MPP7: variants seen among roughly 807,000 people sequenced by gnomAD.
MPP7 encodes the protein MAGUK p55 subfamily member 7.
Under a neutral mutation model 76.5 loss-of-function variants are expected in MPP7, and 60 were observed. The observed-to-expected ratio is 0.78, with a 90% CI of 0.64 to 0.97. MPP7 has a LOEUF of 0.97. MPP7 is among the 50% of genes least tolerant of loss of function. The pLI is 0.00. For missense variants in MPP7, 641 were observed against 694.0 expected, an observed-to-expected ratio of 0.92 and a Z score of 0.86; for synonymous variants, 237 against 244.5, an observed-to-expected ratio of 0.97 and a Z score of 0.29.
chr10:28,055,776 C>T (rs1851529693), intron 16 of MPP7, among the ~76,000 whole-genome samples: 1 of 152,104 alleles, frequency 6.6e-6, no homozygotes, highest in South Asian at 2.1e-4. Flanking sequence ...GTATTTTTAG[C>T]TTTAAAAATA....
At chr10:28,144,796 C>G (rs78627242) in intron 5 of MPP7, among the ~76,000 whole-genome samples, 1 of 152,072 alleles carries the variant, frequency 6.6e-6, no homozygotes, top group African/African-American at 2.4e-5. Flanking sequence ...CATTTCCATA[C>G]GCTCCCTCTT....
chr10:28,054,343 C>G (rs1442400292), intron 16 of MPP7, 99 bp from the exon 17 acceptor site: 2 of 700,718 alleles, frequency 2.9e-6, no homozygotes, highest in Non-Finnish European at 4.7e-6. Flanking sequence ...TAATGCTGTT[C>G]TGTGTTCAGT....
chr10:28,270,541 GGGA>G (rs1211448502), intron 1 of MPP7, among the ~76,000 whole-genome samples: 2 of 130,562 alleles, frequency 1.5e-5, no homozygotes, highest in Non-Finnish European at 3.3e-5. Flanking sequence ...AAGGGGGGGG[GGGA>G]GGAGGGGAGC....
chr10:28,291,675 A>AG (rs1270003588), intron 1 of MPP7, among the ~76,000 whole-genome samples: 1 of 152,178 alleles, frequency 6.6e-6, no homozygotes, highest in African/African-American at 2.4e-5. Flanking sequence ...GGCCTAGGCT[A>AG]AAGTGTGTGT....
chr10:28,186,638 T>C (rs1020639483), intron 3 of MPP7, among the ~76,000 whole-genome samples: 2 of 152,216 alleles, frequency 1.3e-5, no homozygotes, highest in African/African-American at 4.8e-5. Context: ...CCCAACACCT[T>C]TGTGGCAATA....
At chr10:28,138,893 T>C (rs1289466503) in intron 5 of MPP7, among the ~76,000 whole-genome samples, 1 of 152,244 alleles carries the variant, frequency 6.6e-6, no homozygotes, top group Non-Finnish European at 1.5e-5. Context: ...TTCCGTTTAC[T>C]GGGAATCCCA....
At chr10:28,261,465 C>G (rs1383307010) in intron 1 of MPP7, among the ~76,000 whole-genome samples, 1 of 152,206 alleles carries the variant, frequency 6.6e-6, no homozygotes, top group Non-Finnish European at 1.5e-5. Context: ...CCCTGCCATT[C>G]TATCCTAAAT....
intron 3 of MPP7, among the ~76,000 whole-genome samples, chr10:28,167,945 A>G (rs373850286): frequency 6.6e-6 from 1 of 152,166 alleles, no homozygotes; most frequent in Non-Finnish European, 1.5e-5. Context: ...TGGTTAGGTT[A>G]TATTTTCTAG....
At chr10:28,111,939 T>A (rs1207169304) in intron 11 of MPP7, among the ~76,000 whole-genome samples, 2 of 152,150 alleles carry the variant, frequency 1.3e-5, no homozygotes, top group Non-Finnish European at 2.9e-5. Context: ...TCTCCCCTCA[T>A]CCATCCAAGC....
At chr10:28,313,985 C>G (rs1056448725) in intron 2 of MPP7, among the ~76,000 whole-genome samples, 6 of 151,038 alleles carry the variant, frequency 4.0e-5, no homozygotes, top group Non-Finnish European at 8.8e-5. Context: ...GGATTACAGG[C>G]ATGAGCCACT....
chr10:28,190,261 G>A (rs1837370790), intron 3 of MPP7, among the ~76,000 whole-genome samples: 1 of 152,042 alleles, frequency 6.6e-6, no homozygotes, highest in Non-Finnish European at 1.5e-5. Context: ...GTAATTGACA[G>A]ATCCGGCAGG....
chr10:28,262,208 CATATATATATATATAT>C lies in MPP7; in HGVS notation c.-131-23489_-131-23474del, dbSNP rs56940942. 8.0e-4 allele frequency among the ~76,000 whole-genome samples: 48 copies of C among 60,072 alleles called. 4 individuals are homozygous for C. Among genetic ancestry groups the C allele is most frequent in the African/African-American group, 4.4e-3 (46 of 10,382 alleles). The allele number at this position is 60,072 out of a possible 152,430, so 39.4% of individuals were successfully genotyped here. A position where few individuals can be genotyped will look rare whatever the true frequency, so the allele number is the denominator to read the frequency against. On this transcript the variant is annotated intron_variant, in intron 1 of 16. Coordinates refer to ENST00000683449, the MANE Select transcript of MPP7 (RefSeq NM_001318170.2). ...AATTATATATATATATATATATATA[CATATATATATATATAT>C]ACATATATATATATATATACATATA...
At chr10:28,123,648 T>C (rs1462095302) in intron 8 of MPP7, among the ~76,000 whole-genome samples, 1 of 151,934 alleles carries the variant, frequency 6.6e-6, no homozygotes, top group Non-Finnish European at 1.5e-5. Context: ...TTGTTTTGTA[T>C]TTTTAGTAGA....
upstream of MPP7, among the ~76,000 whole-genome samples, chr10:28,306,687 GAT>G: frequency 4.4e-5 from 2 of 45,412 alleles, no homozygotes; most frequent in African/African-American, 9.9e-5. Context: ...AGAGAGAGAT[GAT>G]AGATAATAGA....
At chr10:28,169,064 C>T (rs986361142) in intron 3 of MPP7, among the ~76,000 whole-genome samples, 1 of 152,132 alleles carries the variant, frequency 6.6e-6, no homozygotes, top group Non-Finnish European at 1.5e-5. Flanking sequence ...CATGCCAATA[C>T]CATGCCATCT....
At chr10:28,070,437 A>G (rs1255681675) in intron 12 of MPP7, among the ~76,000 whole-genome samples, 1 of 152,190 alleles carries the variant, frequency 6.6e-6, no homozygotes, top group Non-Finnish European at 1.5e-5. Flanking sequence ...CAAGCTACCC[A>G]CAAGAGCCTA....
intron 2 of MPP7, among the ~76,000 whole-genome samples, chr10:28,233,949 A>G (rs1337325891): frequency 6.6e-6 from 1 of 151,852 alleles, no homozygotes; most frequent in African/African-American, 2.4e-5. Context: ...AGAAGAGGGA[A>G]GAGAGAAGAG....
At chr10:28,271,012 C>G (rs888693421) in intron 1 of MPP7, among the ~76,000 whole-genome samples, 1 of 152,162 alleles carries the variant, frequency 6.6e-6, no homozygotes, top group African/African-American at 2.4e-5. Flanking sequence ...ACAGGCAGAA[C>G]TGTTGTACCT....
chr10:28,236,823 CA>C (rs1188593654), intron 2 of MPP7: 2 of 150,214 alleles, frequency 1.3e-5, no homozygotes, highest in Non-Finnish European at 3.0e-5. Context: ...CACTGCTAAG[CA>C]ACGCTGCTTA....
Sources: gnomAD v4.1 joint callset for allele counts (sites outside exome capture counted in the v4.1 genomes callset) on GRCh38, gnomAD v4.1.1 for gene constraint, MANE v1.5 for transcripts, NCBI Gene and HGNC (gene_info 2026-07-23, HGNC 2026-07-21) for gene names.